The following CUX2 variants were observed in gnomAD, a reference collection of about 807,000 sequenced individuals.
CUX2 encodes cut like homeobox 2.
A neutral mutation model predicts 144.8 loss-of-function variants in CUX2; 40 were observed. The ratio of observed to expected loss-of-function variants is 0.28; its 90% CI spans 0.21 to 0.36. The LOEUF is 0.36. Among genes scored for constraint, CUX2 ranks in the 10% least tolerant of loss-of-function variants. CUX2 has a pLI of 1.00. For missense variants in CUX2, 1,615 were observed against 1,994.0 expected (o/e 0.81, Z 3.62); for synonymous variants, 827 against 875.6 (o/e 0.94, Z 0.98).
At chr12:111,143,362 G>A (rs919794748) in intron 1 of CUX2, among the ~76,000 whole-genome samples, 5 of 152,124 alleles carry the variant, frequency 3.3e-5, no homozygotes, top group African/African-American at 7.2e-5. Context: ...AAATTCCAGC[G>A]CATCAAGGAG....
At chr12:111,056,194 G>C (rs966733331) in intron 1 of CUX2, among the ~76,000 whole-genome samples, 25 of 152,184 alleles carry the variant, frequency 1.6e-4, no homozygotes, top group African/African-American at 5.8e-4. Flanking sequence ...TGCTAGAGAC[G>C]AGGACTGTTC....
rs1883763855 is a variant in CUX2, at chr12:111,255,339, T to A, written c.223-8422T>A. On this transcript the variant is annotated intron_variant, in intron 3 of 21. Coordinates refer to ENST00000261726, the MANE Select transcript of CUX2 (RefSeq NM_015267.4). This position sits in a 1 kb window ranked among gnomAD's most constrained non-coding sequence, Gnocchi z 4.1. ...CTTATTTCTTATTTAATCCCTGACA[T>A]TAAAATGTAATTTTCATTTGCTCAG... Among the ~76,000 whole-genome samples, 1 of 152,240 alleles carries A rather than the reference T, an allele frequency of 6.6e-6. No homozygotes were observed. Among genetic ancestry groups the A allele is most frequent in the Non-Finnish European group, 1.5e-5 (1 of 68,044 alleles).
Position 111,160,431 on chromosome 12 carries a change from TGTGA to T in CUX2, c.64-53765_64-53762del, listed in dbSNP as rs1379680450. On this transcript the variant is annotated intron_variant, in intron 1 of 21. Transcript: ENST00000261726. The surrounding 1 kb of genome is among the most constrained non-coding windows in gnomAD (Gnocchi z 4.1). ...GGACGTGTGTGTAGTGCAGGGTGTG[TGTGA>T]GTGTGTCTGAGCCTTCATCTCTGTG... Among the ~76,000 whole-genome samples, 1 of 152,036 alleles carries T rather than the reference TGTGA, an allele frequency of 6.6e-6. No homozygotes were observed. The highest frequency in any genetic ancestry group is 1.5e-5 in the Non-Finnish European group (1 of 67,992).
At chr12:111,152,264 G>T (rs981776153) in intron 1 of CUX2, among the ~76,000 whole-genome samples, 5 of 152,036 alleles carry the variant, frequency 3.3e-5, no homozygotes, top group Admixed American at 3.3e-4. Flanking sequence ...CAGCCTGGGC[G>T]ACAGAGCAAG....
At chr12:111,069,216 G>A (rs964195004) in intron 1 of CUX2, among the ~76,000 whole-genome samples, 1 of 152,202 alleles carries the variant, frequency 6.6e-6, no homozygotes, top group African/African-American at 2.4e-5. Flanking sequence ...AGTGAAGACA[G>A]TATGGGAAAA....
At chr12:111,071,753 A>G (rs1186549534) in intron 1 of CUX2, among the ~76,000 whole-genome samples, 1 of 152,146 alleles carries the variant, frequency 6.6e-6, no homozygotes, top group Non-Finnish European at 1.5e-5. Flanking sequence ...TAGGTCCATG[A>G]TCCATTTTGA....
intron 1 of CUX2, among the ~76,000 whole-genome samples, chr12:111,205,298 C>T (rs1462481774): frequency 2.0e-5 from 3 of 152,142 alleles, no homozygotes; most frequent in Non-Finnish European, 4.4e-5. Flanking sequence ...TCCCTTTGCT[C>T]TGAACATCCC....
At chr12:111,166,177 C>T (rs1306086529) in intron 1 of CUX2, among the ~76,000 whole-genome samples, 1 of 152,134 alleles carries the variant, frequency 6.6e-6, no homozygotes, top group African/African-American at 2.4e-5. Context: ...CACTATCACA[C>T]CTGACTAACT....
intron 8 of CUX2, among the ~76,000 whole-genome samples, chr12:111,297,175 C>T (rs1227317783): frequency 2.7e-5 from 4 of 145,780 alleles, no homozygotes; most frequent in Admixed American, 6.8e-5. Flanking sequence ...CTCCCAGACA[C>T]GCCTCCTCTC....
intron 3 of CUX2, among the ~76,000 whole-genome samples, chr12:111,232,222 T>C (rs1351369914): frequency 3.3e-5 from 5 of 150,022 alleles, no homozygotes; most frequent in Admixed American, 3.3e-4. Context: ...AATATATATA[T>C]ATATACAGGA....
chr12:111,161,264 G>A (rs989904606), intron 1 of CUX2, among the ~76,000 whole-genome samples: 9 of 152,148 alleles, frequency 5.9e-5, no homozygotes, highest in African/African-American at 1.4e-4. Context: ...ACCCTCTGGG[G>A]ACTCAGCCCA....
At chr12:111,329,519 A>G (rs766102171) in intron 18 of CUX2, among the ~76,000 whole-genome samples, 13 of 152,244 alleles carry the variant, frequency 8.5e-5, no homozygotes, top group East Asian at 1.9e-4. Context: ...TTTCCTGCCA[A>G]TCATCTCCAT....
At chr12:111,166,442 G>T (rs763865814) in intron 1 of CUX2, among the ~76,000 whole-genome samples, 2 of 152,216 alleles carry the variant, frequency 1.3e-5, no homozygotes, top group African/African-American at 2.4e-5. Flanking sequence ...ACCGTAGATG[G>T]TAATACCCAA....
At chr12:111,208,660 G>A (rs952706038) in intron 1 of CUX2, among the ~76,000 whole-genome samples, 1 of 152,188 alleles carries the variant, frequency 6.6e-6, no homozygotes, top group Non-Finnish European at 1.5e-5. Context: ...ATTTACTGAA[G>A]TGTGGGACAC....
intron 3 of CUX2, among the ~76,000 whole-genome samples, chr12:111,254,391 G>A (rs1312856912): frequency 1.3e-5 from 2 of 152,210 alleles, no homozygotes; most frequent in Non-Finnish European, 2.9e-5. Flanking sequence ...TGCACCCCGT[G>A]CCCATCATCA....
intron 1 of CUX2, among the ~76,000 whole-genome samples, chr12:111,150,463 A>G (rs371557582): frequency 6.6e-6 from 1 of 152,192 alleles, no homozygotes; most frequent in Non-Finnish European, 1.5e-5. Flanking sequence ...GTGTGTGGGT[A>G]ACACGGGGCT....
intron 1 of CUX2, among the ~76,000 whole-genome samples, chr12:111,181,682 C>G (rs1879187204): frequency 6.6e-6 from 1 of 152,232 alleles, no homozygotes; most frequent in African/African-American, 2.4e-5. Context: ...AATTCAAAGC[C>G]TCCAGCATCG....
intron 1 of CUX2, among the ~76,000 whole-genome samples, chr12:111,203,166 A>T (rs531449430): frequency 7.0e-6 from 1 of 143,328 alleles, no homozygotes; most frequent in East Asian, 2.2e-4. Context: ...CAGGAGGCGG[A>T]GGTTGAAGTG....
chr12:111,049,849 G>A (rs536408237), intron 1 of CUX2, among the ~76,000 whole-genome samples: 68 of 152,186 alleles, frequency 4.5e-4, no homozygotes, highest in Non-Finnish European at 8.2e-4. Context: ...TGACCAAGGA[G>A]GTGGACAAGG....
Sources: gnomAD v4.1 joint callset for allele counts (sites outside exome capture counted in the v4.1 genomes callset) on GRCh38, gnomAD v4.1.1 for gene constraint, Gnocchi (gnomAD v3.1) non-coding constraint, MANE v1.5 for transcripts, NCBI Gene and HGNC (gene_info 2026-07-23, HGNC 2026-07-21) for gene names.